The following LAMA2 variants were observed in gnomAD, a reference collection of about 807,000 sequenced individuals.
LAMA2 encodes laminin subunit alpha-2.
A neutral mutation model predicts 364.8 loss-of-function variants in LAMA2; 269 were observed. The observed-to-expected ratio is 0.74, with a 90% CI of 0.67 to 0.82. LAMA2 has a LOEUF of 0.82. LAMA2 is among the 40% of genes least tolerant of loss of function. The pLI is 0.00. For synonymous variants in LAMA2, 1,379 were observed against 1,370.6 expected (o/e 1.01, Z -0.14); for missense variants, 3,807 against 3,873.2 (o/e 0.98, Z 0.45).
At chr6:129,443,584 G>A (rs2114771063) in intron 44 of LAMA2, among the ~76,000 whole-genome samples, 1 of 152,296 alleles carries the variant, frequency 6.6e-6, no homozygotes, top group Non-Finnish European at 1.5e-5. Flanking sequence ...GGTCTACACT[G>A]TTGTTGTTTT....
intron 34 of LAMA2, 106 bp from the exon 35 acceptor site, chr6:129,383,016 G>A (rs192915419): frequency 1.2e-4 from 103 of 845,338 alleles, no homozygotes; most frequent in African/African-American, 4.6e-4. Flanking sequence ...ATCGATTGCC[G>A]TTGGCTCAAA....
At position 129,492,429 on chromosome 6, in the gene LAMA2, G is replaced by A. The variant is rs767492541; in HGVS notation, c.8190G>A (p.Gln2730=). ...DGAAPAEIVI[Q]PEPVPTPAFP... is the part of the protein sequence containing the mutation. ...CAGCTCCAGCTGAAATAGTTATCCA[G>A]CCTGAGCCAGTTCCCACCCCAGCCT... is the stretch of plus-strand genomic sequence containing the variant. The change falls in exon 58 of 65, where the codon CAG becomes CAA. Residue 2730 remains glutamine, a synonymous_variant. Coordinates refer to ENST00000421865, the MANE Select transcript of LAMA2 (RefSeq NM_000426.4). The A allele has an allele frequency of 1.2e-6, 2 of 1,614,066 alleles. No individual in the cohort carries two copies. The highest frequency in any genetic ancestry group is 1.7e-6 in the Non-Finnish European group (2 of 1,179,968).
intron 1 of LAMA2, among the ~76,000 whole-genome samples, chr6:128,895,154 A>G (rs1213588441): frequency 1.3e-5 from 2 of 152,178 alleles, no homozygotes; most frequent in African/African-American, 4.8e-5. Flanking sequence ...GGGGGAAGAA[A>G]TCCAGAAAAG....
chr6:129,055,176 T>TTTATTATTATTTATTATTATTATTATTA (rs543816872), intron 2 of LAMA2, among the ~76,000 whole-genome samples: 29 of 123,756 alleles, frequency 2.3e-4, no homozygotes, highest in African/African-American at 9.6e-4. Context: ...ATTATTATTA[T>TTTATTATTATTTATTATTATTATTATTA]TTATTATTAT....
At chr6:129,277,180 G>A (rs1788390810) in intron 17 of LAMA2, among the ~76,000 whole-genome samples, 1 of 152,076 alleles carries the variant, frequency 6.6e-6, no homozygotes, top group Non-Finnish European at 1.5e-5. Flanking sequence ...CTGCTGGTGT[G>A]GAGCTAGCCA....
At chr6:129,099,922 T>C (rs1775423111) in intron 4 of LAMA2, among the ~76,000 whole-genome samples, 1 of 152,208 alleles carries the variant, frequency 6.6e-6, no homozygotes, top group Admixed American at 6.5e-5. Context: ...CCTGGCCAGT[T>C]TGGCCTGAGG....
rs185756166 is a variant in LAMA2, at chr6:128,931,017, C to G, written c.112+47660C>G. Among the ~76,000 whole-genome samples, 195 of 152,176 alleles carry G rather than the reference C, an allele frequency of 1.3e-3. 1 individual carries two copies. The highest frequency in any genetic ancestry group is 4.5e-3 in the African/African-American group (186 of 41,524). On this transcript the variant is annotated intron_variant, in intron 1 of 64. Coordinates refer to ENST00000421865, the MANE Select transcript of LAMA2 (RefSeq NM_000426.4). The stretch of plus-strand genomic sequence containing the variant: ...TTCAAATGCCAGTATCTCTATGAGG[C>G]TTTTTCTGGATCTCTGCAAAAAAAA...
chr6:129,037,504 C>T (rs1786724099), intron 1 of LAMA2, among the ~76,000 whole-genome samples: 1 of 152,098 alleles, frequency 6.6e-6, no homozygotes, highest in Admixed American at 6.6e-5. Context: ...TCTTTACAAA[C>T]TTGACTATAA....
intron 28 of LAMA2, among the ~76,000 whole-genome samples, chr6:129,327,728 A>G (rs555259886): frequency 6.6e-6 from 1 of 152,256 alleles, no homozygotes; most frequent in Non-Finnish European, 1.5e-5. Context: ...GAAAAAAATT[A>G]TATCAGGGAA....
At chr6:129,385,120 AG>A (rs1778917782) in intron 35 of LAMA2, among the ~76,000 whole-genome samples, 1 of 346 alleles carries the variant, frequency 2.9e-3, no homozygotes, top group Non-Finnish European at 5.2e-3. Flanking sequence ...GGGAGGGAGG[AG>A]AGGGAAGGAA....
At chr6:129,516,135 T>A in intron 64 of LAMA2, 55 bp from the exon 65 acceptor site, 1 of 1,582,808 alleles carries the variant, frequency 6.3e-7, no homozygotes, top group Non-Finnish European at 8.7e-7. Flanking sequence ...AACATGCTCT[T>A]AATATTTGGT....
chr6:128,916,879 G>A (rs947852183), intron 1 of LAMA2, among the ~76,000 whole-genome samples: 6 of 152,164 alleles, frequency 3.9e-5, no homozygotes, highest in South Asian at 2.1e-4. Context: ...GAATGAATTG[G>A]ATAAGTTATA....
intron 28 of LAMA2, among the ~76,000 whole-genome samples, chr6:129,324,759 TA>T (rs1431476878): frequency 6.6e-6 from 1 of 152,212 alleles, no homozygotes; most frequent in Admixed American, 6.5e-5. Flanking sequence ...TAAACATATT[TA>T]AACATAGCAA....
At chr6:129,047,372 A>G (rs956614928) in intron 1 of LAMA2, among the ~76,000 whole-genome samples, 2 of 152,154 alleles carry the variant, frequency 1.3e-5, no homozygotes, top group Non-Finnish European at 2.9e-5. Context: ...GAGCACAGAG[A>G]TGAGGGGGGA....
chr6:129,147,163 A>G, intron 6 of LAMA2, 115 bp downstream of exon 6: 3 of 754,338 alleles, frequency 4.0e-6, no homozygotes, highest in Non-Finnish European at 7.3e-6. Flanking sequence ...CCACTTAGAC[A>G]GTGTAACAGA....
At chr6:129,296,939 T>C (rs773223080) in intron 20 of LAMA2, among the ~76,000 whole-genome samples, 1 of 152,204 alleles carries the variant, frequency 6.6e-6, no homozygotes, top group Non-Finnish European at 1.5e-5. Flanking sequence ...AAGCTGGTAA[T>C]GCAAACTTGA....
chr6:129,187,656 TA>T (rs1285854708), intron 10 of LAMA2, among the ~76,000 whole-genome samples: 1 of 151,854 alleles, frequency 6.6e-6, no homozygotes, highest in Non-Finnish European at 1.5e-5. Context: ...GAGTATCCCT[TA>T]TCCAAAATGC....
At chr6:129,422,729 G>T (rs571078051) in intron 40 of LAMA2, among the ~76,000 whole-genome samples, 14 of 152,188 alleles carry the variant, frequency 9.2e-5, no homozygotes, top group African/African-American at 3.4e-4. Flanking sequence ...CACAAATTCA[G>T]TTCCAGATGA....
chr6:128,941,790 T>C (rs535715323), intron 1 of LAMA2, among the ~76,000 whole-genome samples: 1 of 152,306 alleles, frequency 6.6e-6, no homozygotes, highest in African/African-American at 2.4e-5. Context: ...TCGTTCTCTG[T>C]GCCCAGCGAG....
Sources: allele counts gnomAD v4.1 joint callset (sites outside exome capture counted in the v4.1 genomes callset), GRCh38; gene constraint gnomAD v4.1.1; transcripts MANE v1.5; gene names NCBI Gene and HGNC (gene_info 2026-07-23, HGNC 2026-07-21).